The following TUBA3D variants were observed in gnomAD, a reference collection of about 807,000 sequenced individuals.
TUBA3D encodes the protein tubulin alpha-3D chain.
Under a neutral mutation model 36.1 loss-of-function variants are expected in TUBA3D, and 24 were observed. That is an observed-to-expected ratio of 0.66 (90% CI 0.48 to 0.93). TUBA3D has a LOEUF of 0.93. Ranked by LOEUF, TUBA3D falls within the 40% of genes least tolerant of loss-of-function variation. The probability of loss-of-function intolerance (pLI) is 0.00; values close to 1 mark genes in which losing one functional copy is unlikely to be tolerated. For missense variants in TUBA3D, 356 were observed against 614.5 expected, an observed-to-expected ratio of 0.58 and a Z score of 4.45; for synonymous variants, 185 against 247.2, an observed-to-expected ratio of 0.75 and a Z score of 2.36.
At chr2:131,481,324 A>G (rs1272159219) in intron 4 of TUBA3D, among the ~76,000 whole-genome samples, 6 of 151,850 alleles carry the variant, frequency 4.0e-5, no homozygotes, top group Non-Finnish European at 8.8e-5. Flanking sequence ...GCTGTAGTAT[A>G]GTAGTGTGAT....
chr2:131,477,249 G>T (rs566449750), intron 1 of TUBA3D, among the ~76,000 whole-genome samples: 19 of 151,678 alleles, frequency 1.3e-4, no homozygotes, highest in Non-Finnish European at 2.5e-4. Flanking sequence ...TGTTACCCAG[G>T]CTGGTCTCAA....
intron 4 of TUBA3D, among the ~76,000 whole-genome samples, chr2:131,481,924 T>C (rs1185910658): frequency 6.6e-6 from 1 of 152,240 alleles, no homozygotes; most frequent in Non-Finnish European, 1.5e-5. Context: ...CCCTGTGCAC[T>C]GCGGCCAGGA....
intron 1 of TUBA3D, 50 bp downstream of exon 1, chr2:131,476,252 G>A: frequency 6.2e-7 from 1 of 1,613,524 alleles, no homozygotes; most frequent in Non-Finnish European, 8.5e-7. Flanking sequence ...AGACGAAGTT[G>A]GCCTCGGGTG....
In TUBA3D at chr2:131,477,793, C is replaced by T. The variant is rs1678724040; in HGVS notation, c.4-371C>T. ...CTACTCTGTATTTCCTTACCCAACC[C>T]GACTACCTTATCCTTTGATCAGGAC... On this transcript the variant is annotated intron_variant, in intron 1 of 4. Coordinates refer to ENST00000321253, the MANE Select transcript of TUBA3D (RefSeq NM_080386.4). Among the ~76,000 whole-genome samples, 10 of 152,036 alleles carry T rather than the reference C, an allele frequency of 6.6e-5. 1 individual carries two copies. In the South Asian group the frequency reaches 1.9e-3, roughly 28 times the overall value.
rs1408624993 is a variant in TUBA3D, at chr2:131,479,328, T to C, written c.247T>C (p.Tyr83His). 2.5e-6 allele frequency: 4 copies of C among 1,613,938 alleles called. No homozygotes were observed. Among genetic ancestry groups the C allele is most frequent in the Non-Finnish European group, 3.4e-6 (4 of 1,179,970 alleles). Residue 83 changes from tyrosine (Y) to histidine (H), a missense_variant, in exon 3 of 5, where the codon TAC (tyrosine) becomes CAC (histidine). Physicochemically the swap from Tyr to His is moderately conservative, Grantham distance 83. Coordinates refer to ENST00000321253, the MANE Select transcript of TUBA3D (RefSeq NM_080386.4). ...TGCAGATGAAGTGCGCACAGGGACC[T>C]ACAGGCAGCTCTTCCACCCGGAGCA... ...TVVDEVRTGT[Y>H]RQLFHPEQLI...
intron 4 of TUBA3D, among the ~76,000 whole-genome samples, chr2:131,481,052 C>T (rs1305660664): frequency 1.7e-4 from 26 of 151,748 alleles, no homozygotes; most frequent in African/African-American, 6.0e-4. Context: ...TACAGGTACC[C>T]GCTACCACGC....
Position 131,482,720 on chromosome 2 carries a change from G to A in TUBA3D, c.1225G>A (p.Val409Met), listed in dbSNP as rs769889432. ...YAKRAFVHWY[V>M]GEGMEEGEFS... ...CAAGCGGGCCTTTGTGCACTGGTAC[G>A]TGGGCGAAGGCATGGAAGAGGGAGA... Residue 409 changes from valine (V) to methionine (M), a missense_variant, in exon 5 of 5, where the codon GTG becomes ATG. This residue lies in a region of TUBA3D where 156 missense variants were observed against 219.8 expected (regional missense o/e 0.71). Coordinates refer to ENST00000321253, the MANE Select transcript of TUBA3D (RefSeq NM_080386.4). 1.2e-6 allele frequency: 2 copies of A among 1,614,192 alleles called. No individual in the cohort carries two copies. The highest frequency in any genetic ancestry group is 1.3e-5 in the African/African-American group (1 of 75,022).
intron 1 of TUBA3D, among the ~76,000 whole-genome samples, chr2:131,477,163 G>A (rs1678703183): frequency 6.6e-6 from 1 of 151,444 alleles, no homozygotes; most frequent in Non-Finnish European, 1.5e-5. Flanking sequence ...TCAGCCTTCC[G>A]AGTAGCTGGT....
chr2:131,481,220 ACT>A lies in TUBA3D; in HGVS notation c.1056+476_1056+477del, dbSNP rs903273500. Among the ~76,000 whole-genome samples the A allele has an allele frequency of 6.0e-5, 9 of 150,554 alleles. No homozygotes were observed. In the South Asian group the frequency reaches 6.3e-4, roughly 11 times the overall value. ...CACCTAGCTCAGTGATGTCTTTTGAACTCTCTGTCTGAGTCATCACACTATAT... is the reference window on the plus strand; with the variant it reads ...CACCTAGCTCAGTGATGTCTTTTGAACTCTGTCTGAGTCATCACACTATAT... On this transcript the variant is annotated intron_variant, in intron 4 of 4. Coordinates refer to ENST00000321253, the MANE Select transcript of TUBA3D (RefSeq NM_080386.4).
At position 131,480,554 on chromosome 2, in the gene TUBA3D, T is replaced by C. The variant is rs539139218; in HGVS notation, c.861T>C (p.Ser287=). The change falls in exon 4 of 5, where the codon TCT becomes TCC. Residue 287 remains serine, a synonymous_variant. Transcript: ENST00000321253. ...AGAAGGCCTACCACGAGCAGCTGTC[T>C]GTGGCCGAGATCACCAATGCCTGCT... is the stretch of plus-strand genomic sequence containing the variant. ...SAEKAYHEQL[S]VAEITNACFE... The C allele has an allele frequency of 6.2e-7, 1 of 1,609,926 alleles. No homozygotes were observed. Among genetic ancestry groups the C allele is most frequent in the Admixed American group, 1.7e-5 (1 of 59,872 alleles).
rs768594659 is a variant in TUBA3D at position 131,482,804 on chromosome 2, G to T, written c.1309G>T (p.Val437Leu). The T allele has an allele frequency of 6.2e-7, 1 of 1,614,128 alleles. No individual in the cohort carries two copies. The highest frequency in any genetic ancestry group is 8.5e-7 in the Non-Finnish European group (1 of 1,180,058). Residue 437 changes from valine (V) to leucine (L), a missense_variant, in exon 5 of 5, where the codon GTG (valine) becomes TTG (leucine). Coordinates refer to ENST00000321253, the MANE Select transcript of TUBA3D (RefSeq NM_080386.4). ...ALEKDYEEVG[V>L]DSVEAEAEEG... ...AGAGAAGGATTATGAAGAGGTGGGC[G>T]TGGATTCCGTGGAAGCTGAGGCTGA...
intron 4 of TUBA3D, 60 bp downstream of exon 4, chr2:131,480,809 C>A: frequency 6.4e-7 from 1 of 1,569,830 alleles, no homozygotes; most frequent in Non-Finnish European, 8.7e-7. Context: ...ATAACACTGG[C>A]CCTGAAGGCC....
intron 1 of TUBA3D, among the ~76,000 whole-genome samples, 177 bp downstream of exon 1, chr2:131,476,379 G>C (rs1678667816): frequency 1.3e-5 from 2 of 152,226 alleles, no homozygotes; most frequent in South Asian, 2.1e-4. Context: ...TCCCAGGGCA[G>C]GGACGGCGGC....
At chr2:131,482,070 A>T (rs1241028623) in intron 4 of TUBA3D, among the ~76,000 whole-genome samples, 1 of 152,210 alleles carries the variant, frequency 6.6e-6, no homozygotes, top group African/African-American at 2.4e-5. Flanking sequence ...AGCAGCATTC[A>T]TATGACCCTT....
chr2:131,479,568 G>C, intron 3 of TUBA3D, 112 bp downstream of exon 3: 4 of 1,460,196 alleles, frequency 2.7e-6, no homozygotes, highest in Non-Finnish European at 2.8e-6. Flanking sequence ...GGCCGGGCGC[G>C]GTGGCTCACA....
intron 4 of TUBA3D, among the ~76,000 whole-genome samples, chr2:131,482,240 A>C (rs915867578): frequency 3.9e-5 from 6 of 152,296 alleles, no homozygotes; most frequent in Admixed American, 3.3e-4. Flanking sequence ...TCTACAAAGA[A>C]GACAAGCAGC....
intron 1 of TUBA3D, among the ~76,000 whole-genome samples, chr2:131,477,022 CCTTT>C (rs1382938208): frequency 2.2e-5 from 3 of 136,156 alleles, no homozygotes; most frequent in Non-Finnish European, 4.6e-5. Context: ...TCCTTTTTTT[CCTTT>C]CTTTTTCTTT....
At position 131,479,562 on chromosome 2, in the gene TUBA3D, G is replaced by A. The variant is rs540258250; in HGVS notation, c.375+106G>A. On this transcript the variant is annotated intron_variant, in intron 3 of 4. Coordinates refer to ENST00000321253, the MANE Select transcript of TUBA3D (RefSeq NM_080386.4). Reference sequence around the variant, plus strand: ...CAACACTTAGACCAGCATCTTGGCCGGGCGCGGTGGCTCACACATGTAATC... The same window carrying A: ...CAACACTTAGACCAGCATCTTGGCCAGGCGCGGTGGCTCACACATGTAATC... 268 of 1,553,686 alleles carry A rather than the reference G, an allele frequency of 1.7e-4. 1 individual carries two copies. Among genetic ancestry groups the A allele is most frequent in the Non-Finnish European group, 1.9e-4 (219 of 1,144,048 alleles).
chr2:131,482,760 G>T lies in TUBA3D; in HGVS notation c.1265G>T (p.Arg422Leu), dbSNP rs750027658. ...GMEEGEFSEAREDLAALEKDY... is the reference protein window; with the variant it reads ...GMEEGEFSEALEDLAALEKDY... Reference sequence around the variant, plus strand: ...GAAGAGGGAGAGTTCTCTGAGGCCCGCGAGGACCTGGCAGCTCTAGAGAAG... The same window carrying T: ...GAAGAGGGAGAGTTCTCTGAGGCCCTCGAGGACCTGGCAGCTCTAGAGAAG... The change falls in exon 5 of 5, where the codon CGC becomes CTC. Residue 422 changes from arginine to leucine, a missense_variant. Arg to Leu is a moderately radical substitution (Grantham distance 102). This residue lies in a region of TUBA3D where 156 missense variants were observed against 219.8 expected (regional missense o/e 0.71). Transcript: ENST00000321253. 33 of 1,614,056 alleles carry T rather than the reference G, an allele frequency of 2.0e-5. No homozygotes were observed. The highest frequency in any genetic ancestry group is 1.3e-4 in the African/African-American group (10 of 74,898).
Sources: gnomAD v4.1 joint callset for allele counts (sites outside exome capture counted in the v4.1 genomes callset) on GRCh38, gnomAD v4.1.1 for gene constraint, gnomAD v4.1.1 regional missense constraint, MANE v1.5 for transcripts, NCBI Gene and HGNC (gene_info 2026-07-23, HGNC 2026-07-21) for gene names.